Variants in SDK1 observed in about 807,000 individuals in gnomAD.
SDK1 encodes protein sidekick-1.
In SDK1, 157 loss-of-function variants were observed where a neutral mutation model predicts 245.5. The observed-to-expected ratio is 0.64, with a 90% CI of 0.56 to 0.73. The LOEUF is 0.73. Among genes scored for constraint, SDK1 ranks in the 30% least tolerant of loss-of-function variants. The probability of loss-of-function intolerance (pLI) is 0.00; values close to 1 mark genes in which losing one functional copy is unlikely to be tolerated. For missense variants in SDK1, 3,583 were observed against 3,002.3 expected (o/e 1.19, Z -4.52); for synonymous variants, 1,647 against 1,278.5 (o/e 1.29, Z -6.15).
chr7:4,140,523 G>GT (rs1383460565), intron 28 of SDK1, among the ~76,000 whole-genome samples: 2 of 152,202 alleles, frequency 1.3e-5, no homozygotes, highest in Admixed American at 6.5e-5. Flanking sequence ...ATTGTTTTCT[G>GT]TTTTTTTCTC....
intron 1 of SDK1, among the ~76,000 whole-genome samples, chr7:3,357,814 C>A (rs1255465730): frequency 2.0e-5 from 3 of 152,134 alleles, no homozygotes; most frequent in Non-Finnish European, 4.4e-5. Context: ...TCTGAACTTT[C>A]TTTGCTATTG....
At chr7:3,937,682 T>C (rs1780208311) in intron 5 of SDK1, among the ~76,000 whole-genome samples, 1 of 152,166 alleles carries the variant, frequency 6.6e-6, no homozygotes, top group Non-Finnish European at 1.5e-5. Context: ...GCTCCTGCAG[T>C]TTGGGTCGAG....
chr7:3,729,968 A>C (rs941377894), intron 4 of SDK1, among the ~76,000 whole-genome samples: 1 of 152,072 alleles, frequency 6.6e-6, no homozygotes, highest in Non-Finnish European at 1.5e-5. Flanking sequence ...ATTTTGTTGA[A>C]CATAACATTT....
At chr7:3,729,068 C>G (rs933457201) in intron 4 of SDK1, among the ~76,000 whole-genome samples, 6 of 152,268 alleles carry the variant, frequency 3.9e-5, no homozygotes, top group African/African-American at 1.4e-4. Context: ...CCGGCTTGAT[C>G]ATTTGCTTTA....
intron 4 of SDK1, chr7:3,643,795 C>G (rs932989806): frequency 6.6e-6 from 1 of 151,846 alleles, no homozygotes; most frequent in East Asian, 1.9e-4. Flanking sequence ...CTGTGGAATC[C>G]TTTCCCTAAG....
intron 1 of SDK1, among the ~76,000 whole-genome samples, chr7:3,312,591 C>T (rs934261196): frequency 7.3e-5 from 11 of 151,088 alleles, no homozygotes; most frequent in Non-Finnish European, 1.5e-4. Context: ...AAAAAATAAC[C>T]TCAATGGACA....
At chr7:3,980,724 A>G (rs1403523448) in intron 13 of SDK1, among the ~76,000 whole-genome samples, 3 of 152,208 alleles carry the variant, frequency 2.0e-5, no homozygotes, top group African/African-American at 7.2e-5. Context: ...CAGGTAGATC[A>G]CGAGGTCAAG....
intron 22 of SDK1, among the ~76,000 whole-genome samples, chr7:4,101,643 G>A (rs1782556218): frequency 6.6e-6 from 1 of 152,186 alleles, no homozygotes; most frequent in African/African-American, 2.4e-5. Context: ...ATGGTGTCGT[G>A]ACCAGAAATA....
At chr7:3,938,334 A>T (rs1438155243) in intron 5 of SDK1, among the ~76,000 whole-genome samples, 5 of 150,934 alleles carry the variant, frequency 3.3e-5, no homozygotes, top group African/African-American at 1.2e-4. Flanking sequence ...TTATGCATTT[A>T]TGTGTTTGGA....
chr7:4,092,467 C>T (rs897606259), intron 22 of SDK1, among the ~76,000 whole-genome samples: 1 of 152,214 alleles, frequency 6.6e-6, no homozygotes, highest in African/African-American at 2.4e-5. Flanking sequence ...GAGGCTGTGA[C>T]TAGTATAGAT....
At chr7:4,044,248 G>A (rs1788852232) in intron 17 of SDK1, among the ~76,000 whole-genome samples, 1 of 152,170 alleles carries the variant, frequency 6.6e-6, no homozygotes, top group African/African-American at 2.4e-5. Context: ...AGCTGCCCCT[G>A]GCCTCGCCAG....
intron 1 of SDK1, among the ~76,000 whole-genome samples, chr7:3,337,484 T>A (rs1780232902): frequency 6.6e-6 from 1 of 151,174 alleles, no homozygotes; most frequent in Non-Finnish European, 1.5e-5. Context: ...TCTGAAGAAA[T>A]AATCTGACTA....
chr7:3,740,442 G>A (rs1199249495), intron 4 of SDK1, among the ~76,000 whole-genome samples: 2 of 152,154 alleles, frequency 1.3e-5, no homozygotes, highest in Admixed American at 1.3e-4. Context: ...GTGATATTGA[G>A]CATGTGTCAC....
intron 1 of SDK1, among the ~76,000 whole-genome samples, chr7:3,373,415 A>G (rs1781275570): frequency 6.6e-6 from 1 of 152,254 alleles, no homozygotes. Context: ...AGAAAACCAT[A>G]TGGTCTCAAT....
rs185179023 is a variant in SDK1, at chr7:4,084,907, C to T, written c.3324+5323C>T. On this transcript the variant is annotated intron_variant, in intron 22 of 44. Coordinates refer to ENST00000404826, the MANE Select transcript of SDK1 (RefSeq NM_152744.4). ...CCTCCTGAGTAGCTGGGATTACAGGCGCCCGCCACCACGCCCAGCTAATTT... is the reference window on the plus strand; with the variant it reads ...CCTCCTGAGTAGCTGGGATTACAGGTGCCCGCCACCACGCCCAGCTAATTT... Among the ~76,000 whole-genome samples, 1,312 of 151,820 alleles carry T rather than the reference C, an allele frequency of 8.6e-3. 6 individuals are homozygous for T. The highest frequency in any genetic ancestry group is 0.015 in the Non-Finnish European group (1,025 of 67,914).
intron 1 of SDK1, among the ~76,000 whole-genome samples, chr7:3,504,468 T>G (rs1782325503): frequency 6.6e-6 from 1 of 152,088 alleles, no homozygotes; most frequent in Admixed American, 6.5e-5. Context: ...GAAAGACATA[T>G]ATGTTGGTGG....
intron 1 of SDK1, among the ~76,000 whole-genome samples, chr7:3,391,849 A>C (rs544566425): frequency 2.0e-5 from 3 of 151,620 alleles, no homozygotes; most frequent in Non-Finnish European, 2.9e-5. Flanking sequence ...GGCTGGTCTC[A>C]AACTCCTGAG....
At chr7:3,544,105 G>A (rs560264090) in intron 1 of SDK1, among the ~76,000 whole-genome samples, 28 of 152,226 alleles carry the variant, frequency 1.8e-4, no homozygotes, top group Non-Finnish European at 7.4e-5. Context: ...CTTAGGAAAT[G>A]CTTTAGACTA....
chr7:3,438,847 A>ATGTT (rs1562486729), intron 1 of SDK1, among the ~76,000 whole-genome samples: 19 of 110,186 alleles, frequency 1.7e-4, no homozygotes, highest in African/African-American at 6.2e-4. Context: ...CTTTGTATTA[A>ATGTT]TATTTTTTTT....
Sources: gnomAD v4.1 joint callset for allele counts (sites outside exome capture counted in the v4.1 genomes callset) on GRCh38, gnomAD v4.1.1 for gene constraint, MANE v1.5 for transcripts, NCBI Gene and HGNC (gene_info 2026-07-23, HGNC 2026-07-21) for gene names.